The following C16orf96 variants were observed in gnomAD, a reference collection of about 807,000 sequenced individuals.
C16orf96 encodes chromosome 16 open reading frame 96.
Under a neutral mutation model 103.6 loss-of-function variants are expected in C16orf96, and 108 were observed. The observed-to-expected ratio is 1.04, with a 90% CI of 0.89 to 1.22. The LOEUF (loss-of-function observed/expected upper bound fraction) is 1.22. C16orf96 is among the 50% of genes most tolerant of loss of function. C16orf96 has a pLI of 0.00. For missense variants in C16orf96, 1,586 were observed against 1,464.2 expected, an observed-to-expected ratio of 1.08 and a Z score of -1.36; for synonymous variants, 566 against 593.5, an observed-to-expected ratio of 0.95 and a Z score of 0.67.
intron 13 of C16orf96, 49 bp downstream of exon 13, chr16:4,594,559 C>T (rs1567134505): frequency 1.3e-6 from 2 of 1,544,664 alleles, no homozygotes; most frequent in South Asian, 1.2e-5. Flanking sequence ...TCAGCGCACC[C>T]CAGCCCCAGG....
At chr16:4,583,102 G>T (rs1328960582) in intron 7 of C16orf96, among the ~76,000 whole-genome samples, 1 of 152,190 alleles carries the variant, frequency 6.6e-6, no homozygotes, top group Non-Finnish European at 1.5e-5. Context: ...GCTGGGCGTG[G>T]TTGCGGGTGC....
At chr16:4,586,257 AAAAAC>A (rs917046890) in intron 7 of C16orf96, among the ~76,000 whole-genome samples, 8 of 152,184 alleles carry the variant, frequency 5.3e-5, no homozygotes, top group Non-Finnish European at 7.3e-5. Context: ...AGATTCTGTA[AAAAAC>A]AAAACAAAAC....
the C16orf96 span, among the ~76,000 whole-genome samples, chr16:4,541,485 G>A: frequency 6.6e-6 from 1 of 152,290 alleles, no homozygotes; most frequent in Admixed American, 6.5e-5. Flanking sequence ...GAGGTGGGAG[G>A]ATCCCTTCAG....
chr16:4,582,895 CTTGTCCCAGGACCG>C (rs1896825323), intron 7 of C16orf96, among the ~76,000 whole-genome samples: 1 of 152,184 alleles, frequency 6.6e-6, no homozygotes, highest in African/African-American at 2.4e-5. Flanking sequence ...GAGCACATCC[CTTGTCCCAGGACCG>C]TTGTCCCAGC....
chr16:4,555,659 C>T (rs1380731814), upstream of C16orf96, among the ~76,000 whole-genome samples: 2 of 151,622 alleles, frequency 1.3e-5, no homozygotes, highest in East Asian at 3.9e-4. Flanking sequence ...ATGTCAGCCA[C>T]TGTGCCCGGC....
At position 4,576,313 on chromosome 16, in the gene C16orf96, G is replaced by C. The variant is rs767873727; in HGVS notation, c.1833G>C (p.Thr611=). 3.9e-6 allele frequency: 6 copies of C among 1,550,664 alleles called. No homozygotes were observed. Among genetic ancestry groups the C allele is most frequent in the Admixed American group, 3.9e-5 (2 of 50,986 alleles). Reference sequence around the variant, plus strand: ...AAATGGCCGCCATTGCAACAGACACGGCTGCAGCTGGGCCCCTAGGGGTCT... The same window carrying C: ...AAATGGCCGCCATTGCAACAGACACCGCTGCAGCTGGGCCCCTAGGGGTCT... The part of the protein sequence containing the change: ...ATKMAAIATD[T]AAAGPLGVFA... The change falls in exon 5 of 16, where the codon ACG becomes ACC. Residue 611 remains threonine, a synonymous_variant. Coordinates refer to ENST00000444310, the MANE Select transcript of C16orf96 (RefSeq NM_001145011.2).
the C16orf96 span, among the ~76,000 whole-genome samples, chr16:4,541,561 G>C: frequency 6.6e-6 from 1 of 152,196 alleles, no homozygotes; most frequent in African/African-American, 2.4e-5. Context: ...GCAACAGAGT[G>C]AGACCCTGTC....
At chr16:4,548,099 G>T in the C16orf96 span, among the ~76,000 whole-genome samples, 12 of 152,118 alleles carry the variant, frequency 7.9e-5, no homozygotes, top group Non-Finnish European at 1.5e-4. Context: ...GAGGGGCAGG[G>T]CTACACAAAA....
rs1175368924 is a variant in C16orf96, at chr16:4,580,056, G to A, written c.2283G>A (p.Met761Ile). The change falls in exon 7 of 16, where the codon ATG (methionine) becomes ATA (isoleucine). Residue 761 changes from methionine to isoleucine, a missense_variant. By Grantham distance (10) the Met-to-Ile change is conservative. Coordinates refer to ENST00000444310, the MANE Select transcript of C16orf96 (RefSeq NM_001145011.2). Reference protein sequence around the residue: ...LERIWGNQIEMMKDRYITLDK... With the variant: ...LERIWGNQIEIMKDRYITLDK... Reference sequence around the variant, plus strand: ...GAATTTGGGGCAACCAAATAGAGATGATGAAGGATCGCTACATCACTTTGG... The same window carrying A: ...GAATTTGGGGCAACCAAATAGAGATAATGAAGGATCGCTACATCACTTTGG... 1 of 1,550,962 alleles carries A rather than the reference G, an allele frequency of 6.4e-7. No homozygotes were observed. The highest frequency in any genetic ancestry group is 2.0e-5 in the Admixed American group (1 of 50,918).
intron 6 of C16orf96, 27 bp downstream of exon 6, chr16:4,579,052 G>T (rs548000939): frequency 6.5e-7 from 1 of 1,545,726 alleles, no homozygotes; most frequent in Non-Finnish European, 8.8e-7. Context: ...AAGGGCTTTT[G>T]AGGCAGTGAT....
At chr16:4,565,853 T>G (rs1347376877) in intron 1 of C16orf96, among the ~76,000 whole-genome samples, 1 of 152,216 alleles carries the variant, frequency 6.6e-6, no homozygotes, top group Non-Finnish European at 1.5e-5. Context: ...ACTTCTGTTT[T>G]GTTTTTAGGG....
intron 5 of C16orf96, among the ~76,000 whole-genome samples, chr16:4,577,372 T>G (rs2059524886): frequency 6.6e-6 from 1 of 151,820 alleles, no homozygotes; most frequent in Non-Finnish European, 1.5e-5. Flanking sequence ...CTAAAAAAAT[T>G]TTTAAACACT....
At chr16:4,562,749 A>G in intron 1 of C16orf96, 1 of 720,702 alleles carries the variant, frequency 1.4e-6, no homozygotes, top group Non-Finnish European at 2.2e-6. Context: ...AACAAAAGCC[A>G]ATGTAAAAAG....
chr16:4,576,357 C>T lies in C16orf96; in HGVS notation c.1877C>T (p.Ala626Val), dbSNP rs1315803508. The change falls in exon 5 of 16, where the codon GCA becomes GTA. Residue 626 changes from alanine to valine, a missense_variant. Transcript: ENST00000444310. ...GGGGTCTTTGCAGATGTCCTGGGTG[C>T]AGGGCCTTCCCGGGGAGCCACAGAA... ...PLGVFADVLG[A>V]GPSRGATESQ... 1 of 1,550,886 alleles carries T rather than the reference C, an allele frequency of 6.4e-7. No individual in the cohort carries two copies. The highest frequency in any genetic ancestry group is 2.4e-5 in the East Asian group (1 of 40,924).
intron 10 of C16orf96, 25 bp downstream of exon 10, chr16:4,591,809 T>C: frequency 6.9e-7 from 1 of 1,443,582 alleles, no homozygotes; most frequent in Non-Finnish European, 9.3e-7. Flanking sequence ...GAGCCCCTCC[T>C]GGTAGGGGTC....
intron 10 of C16orf96, among the ~76,000 whole-genome samples, 196 bp from the exon 11 acceptor site, chr16:4,592,109 C>G (rs1897072543): frequency 6.6e-6 from 1 of 152,226 alleles, no homozygotes; most frequent in African/African-American, 2.4e-5. Context: ...ACCCCTCACA[C>G]AGCTTTAAAA....
intron 2 of C16orf96, among the ~76,000 whole-genome samples, chr16:4,572,466 A>T (rs949539571): frequency 1.3e-5 from 2 of 150,962 alleles, no homozygotes; most frequent in Non-Finnish European, 3.0e-5. Flanking sequence ...TGCCCGGCTA[A>T]TTTTTTTTGT....
chr16:4,540,218 A>G, the C16orf96 span, among the ~76,000 whole-genome samples: 2 of 152,250 alleles, frequency 1.3e-5, no homozygotes, highest in Non-Finnish European at 2.9e-5. Flanking sequence ...AAGGAGAGGA[A>G]GGGACGCCCT....
In C16orf96 at chr16:4,571,518, C is replaced by G. The variant is rs763051053; in HGVS notation, c.421-43C>G. 1.7e-5 allele frequency: 26 copies of G among 1,511,010 alleles called. No individual in the cohort carries two copies. The South Asian group carries it at 3.2e-4, about 18-fold the overall frequency. The allele number at this position is 1,511,010 out of a possible 1,614,324, so 93.6% of individuals were successfully genotyped here. Reference sequence around the variant, plus strand: ...CTTCTGCACTTCACTTACCTTCTCCCCCAGCCATACCCGGCTTCACATTTT... The same window carrying G: ...CTTCTGCACTTCACTTACCTTCTCCGCCAGCCATACCCGGCTTCACATTTT... On this transcript the variant is annotated intron_variant, in intron 1 of 15. Transcript: ENST00000444310.
Sources: allele counts gnomAD v4.1 joint callset (sites outside exome capture counted in the v4.1 genomes callset), GRCh38; gene constraint gnomAD v4.1.1; transcripts MANE v1.5; gene names NCBI Gene and HGNC (gene_info 2026-07-23, HGNC 2026-07-21).